Variants in ZNF608 observed in about 807,000 individuals in gnomAD.
ZNF608 encodes the protein zinc finger protein 608, also known as renal carcinoma antigen NY-REN-36.
ZNF608 carries 12 observed loss-of-function variants against 109.0 expected under a neutral mutation model. The ratio of observed to expected loss-of-function variants is 0.11; its 90% confidence interval spans 0.07 to 0.18. ZNF608 has a LOEUF of 0.18. Ranked by LOEUF, ZNF608 falls within the 10% of genes least tolerant of loss-of-function variation. The pLI is 1.00. For synonymous variants in ZNF608, 732 were observed against 717.4 expected (o/e 1.02, Z -0.33); for missense variants, 1,707 against 1,879.3 (o/e 0.91, Z 1.70).
intron 3 of ZNF608, 112 bp downstream of exon 3, chr5:124,700,902 A>G: frequency 1.4e-6 from 2 of 1,412,660 alleles, no homozygotes; most frequent in Non-Finnish European, 1.9e-6. Context: ...GAAATAAAAA[A>G]CACTTTCCAT....
chr5:124,701,172 T>C lies in ZNF608; in HGVS notation c.1004A>G (p.Asn335Ser). The stretch of plus-strand genomic sequence containing the variant: ...AAGCTGTTCAACCGGTGCTGCAATA[T>C]TGGATGAAGATGGGGAAAAGTAGGA... ...LPSYFSPSSSNIAAPVEQLLV... is the reference protein window; with the variant it reads ...LPSYFSPSSSSIAAPVEQLLV... Residue 335 changes from asparagine to serine, a missense_variant, in exon 3 of 10, where the codon AAT (asparagine) becomes AGT (serine). Transcript: ENST00000513986. The C allele has an allele frequency of 6.2e-7, 1 of 1,613,972 alleles. No homozygotes were observed. Among genetic ancestry groups the C allele is most frequent in the Non-Finnish European group, 8.5e-7 (1 of 1,180,004 alleles).
chr5:124,732,764 C>G (rs1748964514), intron 2 of ZNF608, among the ~76,000 whole-genome samples: 1 of 152,018 alleles, frequency 6.6e-6, no homozygotes, highest in African/African-American at 2.4e-5. Context: ...TCTACCCCAA[C>G]CACCCTCTTT....
Position 124,641,285 on chromosome 5 carries a change from G to T in ZNF608, c.4417C>A (p.Pro1473Thr), listed in dbSNP as rs144730321. ...HHHTHVGMGY[P>T]LIPGQYDPFQ... ...GGGTCATATTGACCCGGGATTAGCG[G>T]GTAACCCATGCCAACGTGGGTGTGG... The change falls in exon 8 of 10, where the codon CCG (proline) becomes ACG (threonine). Residue 1473 changes from proline to threonine, a missense_variant. By Grantham distance (38) the Pro-to-Thr change is conservative. This residue lies in a region of ZNF608 where 1,073 missense variants were observed against 1,133.5 expected (regional missense o/e 0.95). Coordinates refer to ENST00000513986, the MANE Select transcript of ZNF608 (RefSeq NM_020747.3). The T allele has an allele frequency of 2.5e-6, 4 of 1,613,890 alleles. No homozygotes were observed. Among genetic ancestry groups the T allele is most frequent in the Non-Finnish European group, 3.4e-6 (4 of 1,180,030 alleles).
At chr5:124,721,971 A>AAAAAAAAAAAC (rs1463656704) in intron 2 of ZNF608, among the ~76,000 whole-genome samples, 1 of 145,670 alleles carries the variant, frequency 6.9e-6, no homozygotes, top group South Asian at 2.2e-4. Flanking sequence ...AAAAAAAAAA[A>AAAAAAAAAAAC]AGAACTCAAA....
At chr5:124,713,352 C>A (rs776095095) in intron 2 of ZNF608, among the ~76,000 whole-genome samples, 15 of 152,212 alleles carry the variant, frequency 9.9e-5, no homozygotes, top group Non-Finnish European at 2.1e-4. Context: ...TGATGGCCCA[C>A]GGTCCAAATC....
intron 2 of ZNF608, among the ~76,000 whole-genome samples, chr5:124,727,982 G>T: frequency 6.6e-6 from 1 of 152,096 alleles, no homozygotes; most frequent in Admixed American, 6.5e-5. Context: ...CAGGTGATCT[G>T]CCCGCCTCGG....
intron 3 of ZNF608, among the ~76,000 whole-genome samples, chr5:124,686,146 CCTT>C (rs910075504): frequency 3.7e-4 from 56 of 152,178 alleles, no homozygotes; most frequent in African/African-American, 1.4e-3. Flanking sequence ...GTAATGCTCT[CCTT>C]CTGAATCGTG....
chr5:124,713,755 C>T (rs1753590273), intron 2 of ZNF608, among the ~76,000 whole-genome samples: 1 of 151,968 alleles, frequency 6.6e-6, no homozygotes, highest in African/African-American at 2.4e-5. Flanking sequence ...CACTCTTGGA[C>T]GTTAATATCT....
chr5:124,638,831 C>T lies in ZNF608; in HGVS notation c.4532+302G>A, dbSNP rs1479798291. On this transcript the variant is annotated intron_variant, in intron 9 of 9. Transcript: ENST00000513986. The stretch of plus-strand genomic sequence containing the variant: ...CTCCATTTGCGACTTTATCTTTAAA[C>T]ATAATAAAACAAAGGGAGTCATGGT... 2.7e-6 allele frequency: 3 copies of T among 1,117,610 alleles called. No homozygotes were observed. In the South Asian group the frequency reaches 5.9e-5, roughly 22 times the overall value. The allele number at this position is 1,117,610 out of a possible 1,614,324, so 69.2% of individuals were successfully genotyped here.
chr5:124,725,867 T>C (rs761419905), intron 2 of ZNF608, among the ~76,000 whole-genome samples: 3 of 152,070 alleles, frequency 2.0e-5, no homozygotes, highest in Non-Finnish European at 4.4e-5. Context: ...CCCATCAGCA[T>C]ACAAACAGGC....
At chr5:124,650,682 C>G (rs568122421) in intron 3 of ZNF608, among the ~76,000 whole-genome samples, 65 of 152,132 alleles carry the variant, frequency 4.3e-4, no homozygotes, top group Non-Finnish European at 1.3e-4. Flanking sequence ...TTTAATAGAA[C>G]CTTGATTTTG....
At chr5:124,717,241 G>T (rs547751272) in intron 2 of ZNF608, among the ~76,000 whole-genome samples, 1 of 152,012 alleles carries the variant, frequency 6.6e-6, no homozygotes, top group Admixed American at 6.6e-5. Flanking sequence ...CTAGGTGGGC[G>T]AATCACCTGA....
At chr5:124,688,519 T>C (rs1370408313) in intron 3 of ZNF608, among the ~76,000 whole-genome samples, 1 of 152,230 alleles carries the variant, frequency 6.6e-6, no homozygotes, top group African/African-American at 2.4e-5. Flanking sequence ...ATGGGCAGTC[T>C]CATCCAGGAA....
chr5:124,643,369 A>T (rs916660919), intron 7 of ZNF608, 142 bp downstream of exon 7: 1 of 746,542 alleles, frequency 1.3e-6, no homozygotes, highest in Non-Finnish European at 2.1e-6. Flanking sequence ...TGAACGCTCC[A>T]TTCTTTACGT....
chr5:124,670,337 C>T (rs4836107), intron 3 of ZNF608, among the ~76,000 whole-genome samples: 44,644 of 144,310 alleles, frequency 0.31, 7,187 homozygotes, highest in African/African-American at 0.46. Flanking sequence ...TTCTTTCTTT[C>T]TTTTTTTTTT....
In ZNF608 at chr5:124,641,474, C is replaced by T. The variant is rs960618374; in HGVS notation, c.4297-69G>A. ...TCAACTTTTAAGAGTACTAAACCAC[C>T]TTTGTCCCTTCGACAATATTGTGTT... On this transcript the variant is annotated intron_variant, in intron 7 of 9. Transcript: ENST00000513986. The T allele has an allele frequency of 2.5e-5, 37 of 1,462,856 alleles. No individual in the cohort carries two copies. In the African/African-American group the frequency reaches 5.1e-4, roughly 20 times the overall value. 90.6% of individuals were successfully genotyped at this position (1,462,856 alleles called of 1,614,324 possible). A position where few individuals can be genotyped will look rare whatever the true frequency, so the allele number is the denominator to read the frequency against.
chr5:124,742,411 A>G (rs1479009364), intron 2 of ZNF608, among the ~76,000 whole-genome samples: 1 of 152,222 alleles, frequency 6.6e-6, no homozygotes, highest in African/African-American at 2.4e-5. Flanking sequence ...CTCCTTAACC[A>G]CAGCCATTGT....
chr5:124,647,321 A>G lies in ZNF608; in HGVS notation c.3063T>C (p.Asn1021=). 6.2e-7 allele frequency: 1 copy of G among 1,614,140 alleles called. No individual in the cohort carries two copies. The highest frequency in any genetic ancestry group is 8.5e-7 in the Non-Finnish European group (1 of 1,180,022). The change falls in exon 5 of 10, where the codon AAT becomes AAC. Residue 1021 remains asparagine, a synonymous_variant. Coordinates refer to ENST00000513986, the MANE Select transcript of ZNF608 (RefSeq NM_020747.3). ...PGQVGAPAAG[N]SGSTQGMKIK... ...TCTTCATTCCCTGCGTGCTCCCACT[A>G]TTTCCAGCTGCAGGGGCACCGACCT...
chr5:124,671,368 G>A (rs1168265444), intron 3 of ZNF608, among the ~76,000 whole-genome samples: 1 of 152,078 alleles, frequency 6.6e-6, no homozygotes, highest in African/African-American at 2.4e-5. Context: ...CTTGCCACCT[G>A]GGGTTTTAAA....
Sources: gnomAD v4.1 joint callset for allele counts (sites outside exome capture counted in the v4.1 genomes callset) on GRCh38, gnomAD v4.1.1 for gene constraint, gnomAD v4.1.1 regional missense constraint, MANE v1.5 for transcripts, NCBI Gene and HGNC (gene_info 2026-07-23, HGNC 2026-07-21) for gene names.